Variants in SLC31A1 observed in about 807,000 individuals in gnomAD.
The protein encoded by SLC31A1 is solute carrier family 31 member 1.
In SLC31A1, 5 loss-of-function variants were observed where a neutral mutation model predicts 17.2. That is an observed-to-expected ratio of 0.29 (90% CI 0.15 to 0.61). SLC31A1 has a LOEUF of 0.61. Among genes scored for constraint, SLC31A1 ranks in the 20% least tolerant of loss-of-function variants. SLC31A1 has a pLI of 0.86. For missense variants in SLC31A1, 161 were observed against 241.4 expected, an observed-to-expected ratio of 0.67 and a Z score of 2.21; for synonymous variants, 76 against 78.8, an observed-to-expected ratio of 0.96 and a Z score of 0.19.
In SLC31A1 at chr9:113,256,221, C is replaced by T. The variant is rs2233915; in HGVS notation, c.73C>T (p.Pro25Ser). ...TACCATGCAACCTTCTCACCATCAC[C>T]CAACCACTTCAGCCTCACACTCCCA... ...NSTMQPSHHH[P>S]TTSASHSHGG... The change falls in exon 2 of 5, where the codon CCA becomes TCA. Residue 25 changes from proline (P) to serine (S), a missense_variant. By Grantham distance (74) the Pro-to-Ser change is moderately conservative. Transcript: ENST00000374212. 13 of 1,613,604 alleles carry T rather than the reference C, an allele frequency of 8.1e-6. No homozygotes were observed. The highest frequency in any genetic ancestry group is 1.0e-5 in the Non-Finnish European group (12 of 1,180,020).
chr9:113,255,675 C>CA (rs976028220), intron 1 of SLC31A1, among the ~76,000 whole-genome samples: 9 of 149,912 alleles, frequency 6.0e-5, no homozygotes, highest in South Asian at 2.1e-4. Flanking sequence ...GACCCTGTCT[C>CA]AAAAAAAAAG....
intron 1 of SLC31A1, among the ~76,000 whole-genome samples, chr9:113,242,755 C>T (rs1564210916): frequency 6.6e-6 from 1 of 152,132 alleles, no homozygotes; most frequent in African/African-American, 2.4e-5. Context: ...TGTTCCATTT[C>T]CCCGATGTCA....
chr9:113,235,748 G>A (rs1831451003), intron 1 of SLC31A1, among the ~76,000 whole-genome samples: 2 of 152,130 alleles, frequency 1.3e-5, no homozygotes, highest in Non-Finnish European at 2.9e-5. Flanking sequence ...CTTACTTTAT[G>A]GGGGAAAAAA....
intron 1 of SLC31A1, among the ~76,000 whole-genome samples, chr9:113,241,049 CAAAAA>C (rs11330445): frequency 3.2e-5 from 3 of 94,972 alleles, no homozygotes; most frequent in Admixed American, 1.2e-4. Context: ...GACTCTGTCT[CAAAAA>C]AAAAAAAAAA....
intron 1 of SLC31A1, among the ~76,000 whole-genome samples, chr9:113,245,350 A>C (rs894970371): frequency 6.6e-6 from 1 of 152,076 alleles, no homozygotes; most frequent in African/African-American, 2.4e-5. Context: ...AGCCTCCCAA[A>C]GTGCTGGGAT....
intron 1 of SLC31A1, among the ~76,000 whole-genome samples, chr9:113,240,294 C>T (rs779393957): frequency 1.3e-5 from 2 of 152,110 alleles, no homozygotes; most frequent in African/African-American, 2.4e-5. Context: ...GCATCAGACT[C>T]CTTATAGGTA....
At chr9:113,254,464 A>G (rs533662088) in intron 1 of SLC31A1, among the ~76,000 whole-genome samples, 1 of 152,202 alleles carries the variant, frequency 6.6e-6, no homozygotes, top group East Asian at 1.9e-4. Flanking sequence ...TTTCATGAAC[A>G]TGAATACCTA....
chr9:113,238,900 C>G lies in SLC31A1; in HGVS notation c.-35-17214C>G, dbSNP rs74351611. 4.6e-5 allele frequency among the ~76,000 whole-genome samples: 7 copies of G among 152,320 alleles called. No homozygotes were observed. In the East Asian group the frequency reaches 1.3e-3, roughly 29 times the overall value. On this transcript the variant is annotated intron_variant, in intron 1 of 4. Coordinates refer to ENST00000374212, the MANE Select transcript of SLC31A1 (RefSeq NM_001859.4). ...AGGTGTATAGTATAGATTATGTAGT[C>G]TATTAAACACTTGCTGTGTGTCTCA...
chr9:113,231,207 GT>G (rs1831399814), intron 1 of SLC31A1, among the ~76,000 whole-genome samples: 1 of 152,174 alleles, frequency 6.6e-6, no homozygotes, highest in Non-Finnish European at 1.5e-5. Flanking sequence ...GTCTGCCTAT[GT>G]TTAAGTAAAT....
At chr9:113,229,890 C>G (rs2118984984) in intron 1 of SLC31A1, among the ~76,000 whole-genome samples, 1 of 152,286 alleles carries the variant, frequency 6.6e-6, no homozygotes, top group Admixed American at 6.5e-5. Flanking sequence ...ACTAAAGTCA[C>G]CTGCATCATG....
chr9:113,231,447 C>T (rs1831402105), intron 1 of SLC31A1, among the ~76,000 whole-genome samples: 1 of 151,868 alleles, frequency 6.6e-6, no homozygotes, highest in Non-Finnish European at 1.5e-5. Context: ...ACCTATGTTC[C>T]CAGCTACTCT....
At chr9:113,239,299 C>T (rs959253479) in intron 1 of SLC31A1, among the ~76,000 whole-genome samples, 6 of 146,048 alleles carry the variant, frequency 4.1e-5, no homozygotes, top group Non-Finnish European at 6.2e-5. Context: ...GGAATAAATT[C>T]TTCTTACTAA....
chr9:113,256,277 G>C lies in SLC31A1; in HGVS notation c.129G>C (p.Met43Ile). The change falls in exon 2 of 5, where the codon ATG (methionine) becomes ATC (isoleucine). Residue 43 changes from methionine (M) to isoleucine (I), a missense_variant and splice_region_variant. Transcript: ENST00000374212. Reference protein sequence around the residue: ...HGGGDSSMMMMPMTFYFGFKN... With the variant: ...HGGGDSSMMMIPMTFYFGFKN... ...GAGGAGACAGCAGCATGATGATGAT[G>C]GTGAGTGCCATAGGAGGGGCAATGC... 1.2e-6 allele frequency: 2 copies of C among 1,613,934 alleles called. No individual in the cohort carries two copies. Among genetic ancestry groups the C allele is most frequent in the Non-Finnish European group, 1.7e-6 (2 of 1,179,946 alleles).
Position 113,260,926 on chromosome 9 carries a change from T to A in SLC31A1, c.*453T>A, listed in dbSNP as rs1831786162. The stretch of plus-strand genomic sequence containing the variant: ...AGGATTGATGGCAGCTGAGGGAAAT[T>A]CTTGCCCAACTAAACCCAGAACTCA... On this transcript the variant is annotated 3_prime_UTR_variant, in exon 5 of 5. Coordinates refer to ENST00000374212, the MANE Select transcript of SLC31A1 (RefSeq NM_001859.4). 1 of 288,182 alleles carries A rather than the reference T, an allele frequency of 3.5e-6. No individual in the cohort carries two copies. The highest frequency in any genetic ancestry group is 4.9e-5 in the Admixed American group (1 of 20,532). 17.9% of individuals were successfully genotyped at this position (288,182 alleles called of 1,614,324 possible). A position where few individuals can be genotyped will look rare whatever the true frequency, so the allele number is the denominator to read the frequency against.
chr9:113,222,547 T>C (rs938446924), intron 1 of SLC31A1, among the ~76,000 whole-genome samples: 3 of 152,212 alleles, frequency 2.0e-5, no homozygotes, highest in Non-Finnish European at 4.4e-5. Context: ...TCACTGGAGT[T>C]CTTGGGCTTC....
At chr9:113,255,505 C>T (rs906138794) in intron 1 of SLC31A1, among the ~76,000 whole-genome samples, 1 of 152,098 alleles carries the variant, frequency 6.6e-6, no homozygotes, top group African/African-American at 2.4e-5. Flanking sequence ...TGCTTGAGCT[C>T]AGGAGTTCGA....
At chr9:113,247,533 T>G (rs1280428442) in intron 1 of SLC31A1, among the ~76,000 whole-genome samples, 2 of 152,232 alleles carry the variant, frequency 1.3e-5, no homozygotes, top group Admixed American at 6.5e-5. Context: ...TTAGCCGTCT[T>G]GCTAATTCCC....
At chr9:113,250,444 C>A (rs941478078) in intron 1 of SLC31A1, among the ~76,000 whole-genome samples, 1 of 149,594 alleles carries the variant, frequency 6.7e-6, no homozygotes, top group African/African-American at 2.5e-5. Context: ...AACCAAACAC[C>A]GCATATTCTC....
chr9:113,243,210 C>G (rs922657253), intron 1 of SLC31A1, among the ~76,000 whole-genome samples: 5 of 152,052 alleles, frequency 3.3e-5, no homozygotes, highest in African/African-American at 1.2e-4. Context: ...CACCTGTGTC[C>G]TCTCTCACAT....
Sources: gnomAD v4.1 joint callset for allele counts (sites outside exome capture counted in the v4.1 genomes callset) on GRCh38, gnomAD v4.1.1 for gene constraint, MANE v1.5 for transcripts, NCBI Gene and HGNC (gene_info 2026-07-23, HGNC 2026-07-21) for gene names.